The following ACRBP variants were observed in gnomAD, a reference collection of about 807,000 sequenced individuals.
ACRBP encodes the protein acrosin binding protein, also known as acrosin-binding protein.
In ACRBP, 52 loss-of-function variants were observed where a neutral mutation model predicts 69.0. That is an observed-to-expected ratio of 0.75 (90% CI 0.60 to 0.95). ACRBP has a LOEUF of 0.95. ACRBP is among the 40% of genes least tolerant of loss of function. The pLI, the probability that ACRBP is intolerant of heterozygous loss-of-function variation, is 0.00. For synonymous variants in ACRBP, 267 were observed against 258.9 expected (o/e 1.03, Z -0.30); for missense variants, 604 against 673.0 (o/e 0.90, Z 1.13).
chr12:6,647,079 C>T, intron 1 of ACRBP, 67 bp from the exon 2 acceptor site: 1 of 1,407,900 alleles, frequency 7.1e-7, no homozygotes, highest in South Asian at 1.2e-5. Context: ...CCAGGACAGA[C>T]AGACCCAGAC....
intron 8 of ACRBP, 121 bp downstream of exon 8, chr12:6,639,939 C>T (rs543257609): frequency 7.8e-5 from 95 of 1,222,930 alleles, no homozygotes; most frequent in African/African-American, 1.2e-4. Context: ...TCAGTGAGGA[C>T]GGGTTCTCAG....
At chr12:6,645,669 T>TTG (rs1284490357) in intron 3 of ACRBP, among the ~76,000 whole-genome samples, 4 of 150,482 alleles carry the variant, frequency 2.7e-5, no homozygotes, top group African/African-American at 7.3e-5. Context: ...TTTTTTTGTT[T>TTG]TTTTTTTTTG....
intron 6 of ACRBP, among the ~76,000 whole-genome samples, chr12:6,642,469 T>C (rs532996479): frequency 1.3e-5 from 2 of 152,298 alleles, no homozygotes; most frequent in South Asian, 2.1e-4. Context: ...GGGTGTAAGA[T>C]AGAAATTCAA....
intron 2 of ACRBP, 56 bp downstream of exon 2, chr12:6,646,738 T>G: frequency 1.2e-6 from 2 of 1,602,234 alleles, no homozygotes; most frequent in Non-Finnish European, 8.5e-7. Flanking sequence ...GTTTTTGCCC[T>G]GAGGTTTGGG....
chr12:6,638,187 CAG>C lies in ACRBP; in HGVS notation c.*93_*94del. On this transcript the variant is annotated 3_prime_UTR_variant, in exon 10 of 10. Transcript: ENST00000229243. ...GGAAATGTGAGTAGGGGCCGAGTAA[CAG>C]ACCCAGAAGGGGCAGCCTGAAAGCA... 6.5e-7 allele frequency: 1 copy of C among 1,548,902 alleles called. No homozygotes were observed. The highest frequency in any genetic ancestry group is 8.8e-7 in the Non-Finnish European group (1 of 1,140,526).
intron 6 of ACRBP, among the ~76,000 whole-genome samples, chr12:6,642,906 G>A (rs767492288): frequency 3.2e-4 from 48 of 152,176 alleles, no homozygotes; most frequent in South Asian, 8.3e-4. Flanking sequence ...GAAAGAAGAA[G>A]AGCTGCATCT....
Position 6,640,143 on chromosome 12 carries a change from T to C in ACRBP, c.1342A>G (p.Thr448Ala), listed in dbSNP as rs781209644. 2.5e-6 allele frequency: 4 copies of C among 1,614,044 alleles called. No individual in the cohort carries two copies. In the Admixed American group the frequency reaches 6.7e-5, roughly 27 times the overall value. ...ACTCGGACATCTTCACAGCCTTTCG[T>C]GGCAAGCCGGGCACACCAGAAGTCC... ...HMDFWCARLA[T>A]KGCEDVRVSG... The change falls in exon 8 of 10, where the codon ACG becomes GCG. Residue 448 changes from threonine to alanine, a missense_variant. By Grantham distance (58) the Thr-to-Ala change is moderately conservative. Coordinates refer to ENST00000229243, the MANE Select transcript of ACRBP (RefSeq NM_032489.3). This position sits in a 1 kb window ranked among gnomAD's most constrained non-coding sequence, Gnocchi z 5.3.
intron 4 of ACRBP, among the ~76,000 whole-genome samples, chr12:6,644,937 C>G (rs1345014447): frequency 6.6e-6 from 1 of 152,126 alleles, no homozygotes; most frequent in Non-Finnish European, 1.5e-5. Context: ...AAGACATTAG[C>G]TTATAAAGGG....
chr12:6,640,290 C>A lies in ACRBP; in HGVS notation c.1257+53G>T. 6.2e-7 allele frequency: 1 copy of A among 1,612,682 alleles called. No homozygotes were observed. The highest frequency in any genetic ancestry group is 8.5e-7 in the Non-Finnish European group (1 of 1,178,968). ...CCCCACCTGCTGGCCACCACCACCC[C>A]ACCCCTGCCACCCAGTTCTGCCTTT... is the stretch of plus-strand genomic sequence containing the variant. On this transcript the variant is annotated intron_variant, in intron 7 of 9. Coordinates refer to ENST00000229243, the MANE Select transcript of ACRBP (RefSeq NM_032489.3). The surrounding 1 kb of genome is among the most constrained non-coding windows in gnomAD (Gnocchi z 5.3).
intron 9 of ACRBP, 189 bp downstream of exon 9, chr12:6,638,765 A>C (rs1476272954): frequency 6.9e-7 from 1 of 1,443,006 alleles, no homozygotes; most frequent in Non-Finnish European, 9.1e-7. Flanking sequence ...GCTGCCTAGG[A>C]GGGCCTTGCT....
At position 6,638,108 on chromosome 12, in the gene ACRBP, A is replaced by T; in HGVS notation, c.*174T>A. 4 of 815,096 alleles carry T rather than the reference A, an allele frequency of 4.9e-6. No homozygotes were observed. The highest frequency in any genetic ancestry group is 5.5e-5 in the Admixed American group (2 of 36,172). The allele number at this position is 815,096 out of a possible 1,614,324, so 50.5% of individuals were successfully genotyped here. On this transcript the variant is annotated 3_prime_UTR_variant, in exon 10 of 10. Coordinates refer to ENST00000229243, the MANE Select transcript of ACRBP (RefSeq NM_032489.3). ...AACATTTTATGTAAAGTCATCTTTT[A>T]AGGAGGGCGCAGCTCCCACCGTGGC...
At chr12:6,645,410 C>G (rs1184759201) in intron 3 of ACRBP, 73 bp from the exon 4 acceptor site, 1 of 1,149,890 alleles carries the variant, frequency 8.7e-7, no homozygotes, top group African/African-American at 1.5e-5. Context: ...TTCTTCAACC[C>G]CTTTTCCAGC....
At chr12:6,643,427 C>T in intron 6 of ACRBP, 112 bp downstream of exon 6, 1 of 1,429,064 alleles carries the variant, frequency 7.0e-7, no homozygotes, top group South Asian at 1.3e-5. Flanking sequence ...AGAATCTCTC[C>T]AGCTATGTCT....
rs1025545898 is a variant in ACRBP at position 6,643,651 on chromosome 12, G to A, written c.965C>T (p.Thr322Ile). 6.2e-7 allele frequency: 1 copy of A among 1,614,204 alleles called. No individual in the cohort carries two copies. The highest frequency in any genetic ancestry group is 8.5e-7 in the Non-Finnish European group (1 of 1,180,008). The change falls in exon 6 of 10, where the codon ACA (threonine) becomes ATA (isoleucine). Residue 322 changes from threonine to isoleucine, a missense_variant. Transcript: ENST00000229243. ...NPGSLLQLPHTEALLVLCYSI... is the reference protein window; with the variant it reads ...NPGSLLQLPHIEALLVLCYSI... ...ATAGCACAGCACCAGCAAGGCCTCT[G>A]TGTGGGGCAGCTGCAGGAGGCTGCA...
intron 6 of ACRBP, among the ~76,000 whole-genome samples, chr12:6,642,022 C>T (rs1949056515): frequency 6.6e-6 from 1 of 152,190 alleles, no homozygotes; most frequent in Admixed American, 6.5e-5. Context: ...GTTTAAACAT[C>T]AGTTCTTCTT....
intron 4 of ACRBP, among the ~76,000 whole-genome samples, chr12:6,644,962 G>T (rs1293009044): frequency 6.6e-6 from 1 of 152,178 alleles, no homozygotes; most frequent in Admixed American, 6.6e-5. Flanking sequence ...GAGGTCCTTT[G>T]TAATGCAACA....
At chr12:6,646,754 A>G in intron 2 of ACRBP, 40 bp downstream of exon 2, 6 of 1,609,066 alleles carry the variant, frequency 3.7e-6, no homozygotes, top group Non-Finnish European at 4.2e-6. Flanking sequence ...TTGGGTGAAC[A>G]CTCTGGGTGC....
intron 3 of ACRBP, among the ~76,000 whole-genome samples, chr12:6,646,225 G>C (rs1225370982): frequency 6.6e-6 from 1 of 151,658 alleles, no homozygotes; most frequent in Non-Finnish European, 1.5e-5. Context: ...GCCCATCTCG[G>C]GCTCCCAAAG....
chr12:6,643,957 C>G, intron 5 of ACRBP, 180 bp downstream of exon 5: 1 of 1,264,568 alleles, frequency 7.9e-7, no homozygotes, highest in Non-Finnish European at 1.1e-6. Context: ...AGAGAATAAG[C>G]ATTTGAGCAG....
Sources: gnomAD v4.1 joint callset for allele counts (sites outside exome capture counted in the v4.1 genomes callset) on GRCh38, gnomAD v4.1.1 for gene constraint, Gnocchi (gnomAD v3.1) non-coding constraint, MANE v1.5 for transcripts, NCBI Gene and HGNC (gene_info 2026-07-23, HGNC 2026-07-21) for gene names.